DIAPH3: variants seen among roughly 807,000 people sequenced by gnomAD.
DIAPH3 encodes protein diaphanous homolog 3.
In DIAPH3, 117 loss-of-function variants were observed where a neutral mutation model predicts 144.3. The observed-to-expected ratio is 0.81, with a 90% CI of 0.70 to 0.95. The LOEUF (loss-of-function observed/expected upper bound fraction) is 0.95, where lower values mean the gene tolerates loss of function less well. Ranked by LOEUF, DIAPH3 falls within the 40% of genes least tolerant of loss-of-function variation. DIAPH3 has a pLI of 0.00. For missense variants in DIAPH3, 1,421 were observed against 1,412.7 expected (o/e 1.01, Z -0.09); for synonymous variants, 519 against 488.9 (o/e 1.06, Z -0.81).
intron 17 of DIAPH3, among the ~76,000 whole-genome samples, chr13:59,937,854 G>A (rs1171722473): frequency 1.3e-5 from 2 of 152,118 alleles, no homozygotes; most frequent in East Asian, 1.9e-4. Flanking sequence ...ATGCTTTATT[G>A]TGTGGGGAAT....
intron 24 of DIAPH3, 79 bp downstream of exon 24, chr13:59,833,028 G>T: frequency 9.4e-7 from 1 of 1,068,006 alleles, no homozygotes; most frequent in African/African-American, 1.6e-5. Flanking sequence ...ACAGCAACAA[G>T]AGTAGAACGA....
intron 27 of DIAPH3, among the ~76,000 whole-genome samples, chr13:59,763,827 T>C (rs1390922160): frequency 2.0e-5 from 3 of 152,276 alleles, no homozygotes; most frequent in Non-Finnish European, 1.5e-5. Flanking sequence ...TTTCCTCAAA[T>C]GTTAGCTAAT....
chr13:60,142,847 T>C (rs995238708), intron 1 of DIAPH3, among the ~76,000 whole-genome samples: 1 of 152,100 alleles, frequency 6.6e-6, no homozygotes, highest in African/African-American at 2.4e-5. Flanking sequence ...AGTCTCGAAC[T>C]ACTGAGCTCA....
At chr13:59,785,215 G>C (rs899366601) in intron 25 of DIAPH3, among the ~76,000 whole-genome samples, 2 of 151,992 alleles carry the variant, frequency 1.3e-5, no homozygotes, top group Non-Finnish European at 2.9e-5. Flanking sequence ...GAATTTTATG[G>C]GGAAAAAACT....
rs2032013564 is a variant in DIAPH3 at position 59,666,444 on chromosome 13, A to G, written c.*140T>C. On this transcript the variant is annotated 3_prime_UTR_variant, in exon 28 of 28. Coordinates refer to ENST00000400324, the MANE Select transcript of DIAPH3 (RefSeq NM_001042517.2). ...CATAGAAAAAGCATTGCAATCATATATTTAGCTTTATTTTTCTAATATATA... is the reference window on the plus strand; with the variant it reads ...CATAGAAAAAGCATTGCAATCATATGTTTAGCTTTATTTTTCTAATATATA... 9.9e-7 allele frequency: 1 copy of G among 1,010,728 alleles called. No homozygotes were observed. The highest frequency in any genetic ancestry group is 1.6e-5 in the African/African-American group (1 of 61,160). 62.6% of individuals were successfully genotyped at this position (1,010,728 alleles called of 1,614,324 possible).
intron 1 of DIAPH3, among the ~76,000 whole-genome samples, chr13:60,144,265 G>A (rs2138337115): frequency 1.3e-5 from 2 of 152,220 alleles, no homozygotes; most frequent in Middle Eastern, 3.4e-3. Flanking sequence ...CCCAAAGATG[G>A]AGCCTGCCAT....
chr13:59,889,068 C>T (rs889400577), intron 20 of DIAPH3, among the ~76,000 whole-genome samples: 4 of 151,982 alleles, frequency 2.6e-5, no homozygotes, highest in Non-Finnish European at 4.4e-5. Context: ...CACAGTTTTA[C>T]TAGGCTGTGC....
chr13:59,925,764 C>T (rs1413043775), intron 17 of DIAPH3, among the ~76,000 whole-genome samples: 2 of 151,996 alleles, frequency 1.3e-5, no homozygotes, highest in Non-Finnish European at 2.9e-5. Flanking sequence ...TTGGTAGCTA[C>T]GTGTCCAGAA....
intron 27 of DIAPH3, among the ~76,000 whole-genome samples, chr13:59,745,395 T>C (rs1326467921): frequency 6.6e-6 from 1 of 152,192 alleles, no homozygotes; most frequent in Non-Finnish European, 1.5e-5. Flanking sequence ...CAAAATATCT[T>C]GGAAGAGGTA....
intron 7 of DIAPH3, among the ~76,000 whole-genome samples, chr13:60,015,164 T>C (rs2053555571): frequency 6.6e-6 from 1 of 152,124 alleles, no homozygotes; most frequent in African/African-American, 2.4e-5. Flanking sequence ...CCCAGCTATT[T>C]GTTTTACTTT....
chr13:59,902,945 C>T (rs1270007346), intron 20 of DIAPH3, among the ~76,000 whole-genome samples: 1 of 152,018 alleles, frequency 6.6e-6, no homozygotes, highest in Non-Finnish European at 1.5e-5. Flanking sequence ...GACAAGATTA[C>T]CAAATGGCCA....
At chr13:60,083,791 C>A (rs1173166119) in intron 4 of DIAPH3, among the ~76,000 whole-genome samples, 2 of 151,992 alleles carry the variant, frequency 1.3e-5, no homozygotes, top group African/African-American at 4.8e-5. Context: ...ATAATCCCAG[C>A]ACTCTGGAAA....
At chr13:59,841,038 TG>T (rs2042313781) in intron 22 of DIAPH3, among the ~76,000 whole-genome samples, 1 of 152,180 alleles carries the variant, frequency 6.6e-6, no homozygotes, top group Admixed American at 6.5e-5. Flanking sequence ...TATGTCTGCT[TG>T]TCAATTATCC....
chr13:59,732,757 T>C (rs1165061483), intron 27 of DIAPH3, among the ~76,000 whole-genome samples: 1 of 152,006 alleles, frequency 6.6e-6, no homozygotes, highest in African/African-American at 2.4e-5. Flanking sequence ...GCCTGATAGA[T>C]ATATATATAT....
chr13:59,955,080 GTATA>G (rs10523754), intron 17 of DIAPH3, among the ~76,000 whole-genome samples: 4 of 139,638 alleles, frequency 2.9e-5, no homozygotes, highest in African/African-American at 5.1e-5. Flanking sequence ...ATATATACAT[GTATA>G]TATATATATA....
chr13:59,898,440 G>C (rs756756588), intron 20 of DIAPH3, among the ~76,000 whole-genome samples: 37 of 152,120 alleles, frequency 2.4e-4, no homozygotes, highest in Non-Finnish European at 4.6e-4. Context: ...AAGGTTTCTG[G>C]AATACTAAGA....
At chr13:60,078,495 T>C (rs751442081) in intron 4 of DIAPH3, among the ~76,000 whole-genome samples, 30 of 152,092 alleles carry the variant, frequency 2.0e-4, no homozygotes, top group Non-Finnish European at 5.9e-5. Context: ...CCTGAGGGAA[T>C]ATGGTTAAGT....
chr13:59,744,844 A>C lies in DIAPH3; in HGVS notation c.3319+29345T>G, dbSNP rs368682870. The stretch of plus-strand genomic sequence containing the variant: ...AATTGCAATCAGGGCGACTGACCAA[A>C]GATGTGAAGGCAAAAGCACTTTAAG... On this transcript the variant is annotated intron_variant, in intron 27 of 27. Coordinates refer to ENST00000400324, the MANE Select transcript of DIAPH3 (RefSeq NM_001042517.2). Among the ~76,000 whole-genome samples, 3 of 152,278 alleles carry C rather than the reference A, an allele frequency of 2.0e-5. No homozygotes were observed. The East Asian group carries it at 5.8e-4, about 29-fold the overall frequency.
chr13:59,837,800 AG>A (rs2042119425), intron 23 of DIAPH3: 1 of 150,990 alleles, frequency 6.6e-6, no homozygotes, highest in Non-Finnish European at 1.5e-5. Context: ...AGCCTTACTC[AG>A]TAGGGTGATA....
Sources: allele counts gnomAD v4.1 joint callset (sites outside exome capture counted in the v4.1 genomes callset), GRCh38; gene constraint gnomAD v4.1.1; transcripts MANE v1.5; gene names NCBI Gene and HGNC (gene_info 2026-07-23, HGNC 2026-07-21).